Variants in KDM4B observed in about 807,000 individuals in gnomAD.
KDM4B encodes the protein lysine-specific demethylase 4B.
A neutral mutation model predicts 125.2 loss-of-function variants in KDM4B; 32 were observed. That is an observed-to-expected ratio of 0.26 (90% CI 0.19 to 0.34). The LOEUF is 0.34. KDM4B is among the 10% of genes least tolerant of loss of function. The pLI, the probability that KDM4B is intolerant of heterozygous loss-of-function variation, is 1.00. For missense variants in KDM4B, 1,190 were observed against 1,577.7 expected (o/e 0.75, Z 4.16); for synonymous variants, 721 against 677.9 (o/e 1.06, Z -0.99).
chr19:5,077,326 G>C, intron 7 of KDM4B, 41 bp from the exon 8 acceptor site: 1 of 1,571,270 alleles, frequency 6.4e-7, no homozygotes. Context: ...ACCCCGGCCG[G>C]CTGTGGCCCA....
rs201066834 is a variant in KDM4B at position 5,151,547 on chromosome 19, G to A, written c.*36G>A. On this transcript the variant is annotated 3_prime_UTR_variant, in exon 23 of 23. Transcript: ENST00000159111. ...CGCTCAGGCGACCCTCAGCCCGGCG[G>A]GGAGGCCATGGCATGCCCCGGGCGT... 1 of 1,312,136 alleles carries A rather than the reference G, an allele frequency of 7.6e-7. No homozygotes were observed. The highest frequency in any genetic ancestry group is 9.7e-7 in the Non-Finnish European group (1 of 1,025,934). The allele number at this position is 1,312,136 out of a possible 1,614,324, so 81.3% of individuals were successfully genotyped here. A position where few individuals can be genotyped will look rare whatever the true frequency, so the allele number is the denominator to read the frequency against.
At chr19:5,137,884 C>T in intron 17 of KDM4B, 78 bp from the exon 18 acceptor site, 1 of 1,295,574 alleles carries the variant, frequency 7.7e-7, no homozygotes, top group Non-Finnish European at 1.1e-6. Flanking sequence ...CAGCCGACAG[C>T]CACATCACGC....
chr19:5,098,575 G>C (rs2038872135), intron 9 of KDM4B, among the ~76,000 whole-genome samples: 1 of 152,116 alleles, frequency 6.6e-6, no homozygotes, highest in Non-Finnish European at 1.5e-5. Flanking sequence ...TAGTTCCCTA[G>C]AAAGGTGCCA....
intron 1 of KDM4B, among the ~76,000 whole-genome samples, chr19:4,982,160 G>A (rs1437603858): frequency 6.6e-6 from 1 of 152,124 alleles, no homozygotes; most frequent in Non-Finnish European, 1.5e-5. Context: ...TGGTGTGTTG[G>A]TGCAGGCCTG....
intron 6 of KDM4B, among the ~76,000 whole-genome samples, chr19:5,070,396 G>A (rs887253759): frequency 6.6e-6 from 1 of 152,234 alleles, no homozygotes; most frequent in Non-Finnish European, 1.5e-5. Context: ...TCGTGTGTTT[G>A]CACACTTTCA....
rs1434627869 is a variant in KDM4B, at chr19:5,114,404, G to A, written c.1115+3586G>A. The A allele has an allele frequency of 1.5e-5, 7 of 471,814 alleles. No individual in the cohort carries two copies. The highest frequency in any genetic ancestry group is 3.2e-5 in the South Asian group (2 of 62,100). 29.2% of individuals were successfully genotyped at this position (471,814 alleles called of 1,614,324 possible). ...CTGCGCCAGTGCAGGACACCGCCAC[G>A]CCTCTGGCCCCGACTCCTGCCAGGG... On this transcript the variant is annotated intron_variant, in intron 10 of 22. Coordinates refer to ENST00000159111, the MANE Select transcript of KDM4B (RefSeq NM_015015.3). The surrounding 1 kb of genome is among the most constrained non-coding windows in gnomAD (Gnocchi z 5.8).
intron 7 of KDM4B, chr19:5,075,803 C>T (rs1455678669): frequency 1.3e-5 from 2 of 152,768 alleles, no homozygotes; most frequent in Admixed American, 1.3e-4. Context: ...CAGGCCCACT[C>T]TGCCACTTCC....
chr19:5,022,735 T>C (rs1799703273), intron 2 of KDM4B, among the ~76,000 whole-genome samples: 2 of 152,056 alleles, frequency 1.3e-5, no homozygotes, highest in South Asian at 2.1e-4. Flanking sequence ...CTCCCTTGTC[T>C]GATTTTCTGG....
intron 6 of KDM4B, chr19:5,070,739 C>T (rs1393295850): frequency 7.7e-6 from 3 of 391,340 alleles, no homozygotes; most frequent in Admixed American, 4.3e-5. Flanking sequence ...TAACCGGGAG[C>T]ATCCCCACTC....
chr19:4,979,552 C>G (rs545271718), intron 1 of KDM4B, among the ~76,000 whole-genome samples: 3 of 152,104 alleles, frequency 2.0e-5, no homozygotes, highest in Admixed American at 6.5e-5. Flanking sequence ...AGGTGTTACC[C>G]GAACCAGTGT....
At chr19:5,118,291 C>T (rs1025930180) in intron 10 of KDM4B, among the ~76,000 whole-genome samples, 4 of 152,226 alleles carry the variant, frequency 2.6e-5, no homozygotes, top group African/African-American at 9.7e-5. Flanking sequence ...ACCCGGAAGC[C>T]GCAGCCGGCA....
chr19:5,147,444 G>C (rs2039871061), intron 21 of KDM4B, among the ~76,000 whole-genome samples: 1 of 152,184 alleles, frequency 6.6e-6, no homozygotes, highest in Non-Finnish European at 1.5e-5. Context: ...TAATGAGACA[G>C]TCAGAAATGA....
rs1317474241 is a variant in KDM4B at position 5,016,300 on chromosome 19, T to C, written c.-65T>C. Reference sequence around the variant, plus strand: ...GAGGCACCTGACAAATCCTAGCGAATTTTTGGAGCATCTCCACCCAGGAAC... The same window carrying C: ...GAGGCACCTGACAAATCCTAGCGAACTTTTGGAGCATCTCCACCCAGGAAC... On this transcript the variant is annotated 5_prime_UTR_variant, in exon 2 of 23. Transcript: ENST00000159111. The C allele has an allele frequency of 6.6e-6, 1 of 152,208 alleles. No individual in the cohort carries two copies. The highest frequency in any genetic ancestry group is 2.4e-5 in the African/African-American group (1 of 41,454). 9.4% of individuals were successfully genotyped at this position (152,208 alleles called of 1,614,324 possible).
At chr19:5,037,311 G>A (rs2036659771) in intron 3 of KDM4B, among the ~76,000 whole-genome samples, 1 of 152,192 alleles carries the variant, frequency 6.6e-6, no homozygotes, top group Non-Finnish European at 1.5e-5. Context: ...GTGGGTCTCT[G>A]ACCATACCAC....
At chr19:5,091,419 G>T (rs2038701180) in intron 9 of KDM4B, among the ~76,000 whole-genome samples, 2 of 152,142 alleles carry the variant, frequency 1.3e-5, no homozygotes, top group Admixed American at 1.3e-4. Context: ...GAGGTGTCTG[G>T]CAGGGAGAGC....
chr19:5,146,939 C>CAAAAAAAAAAAA (rs1182135277), intron 21 of KDM4B, among the ~76,000 whole-genome samples: 6 of 60,544 alleles, frequency 9.9e-5, no homozygotes, highest in African/African-American at 1.4e-4. Context: ...ACCCTGTCTC[C>CAAAAAAAAAAAA]AAAAAAAAAA....
chr19:5,035,894 CGCCT>C lies in KDM4B; in HGVS notation c.141+2866_141+2869del, dbSNP rs760802349. Among the ~76,000 whole-genome samples, 10,166 of 138,364 alleles carry C rather than the reference CGCCT, an allele frequency of 0.073. 404 individuals carry two copies. Among genetic ancestry groups the C allele is most frequent in the Non-Finnish European group, 0.084 (5,327 of 63,108 alleles). 90.8% of individuals were successfully genotyped at this position (138,364 alleles called of 152,430 possible). A position where few individuals can be genotyped will look rare whatever the true frequency, so the allele number is the denominator to read the frequency against. On this transcript the variant is annotated intron_variant, in intron 3 of 22. Coordinates refer to ENST00000159111, the MANE Select transcript of KDM4B (RefSeq NM_015015.3). The surrounding 1 kb of genome is among the most constrained non-coding windows in gnomAD (Gnocchi z 5.3). ...GTGTGTGTGTGTGCGCGCGCGCGCG[CGCCT>C]GCGCGCACAGGAGACTGAGGTGGGG...
chr19:5,108,531 C>G (rs994122412), intron 9 of KDM4B, among the ~76,000 whole-genome samples: 1 of 152,152 alleles, frequency 6.6e-6, no homozygotes, highest in East Asian at 1.9e-4. Context: ...AGGTTTCCGT[C>G]GTCCCCAACC....
intron 1 of KDM4B, among the ~76,000 whole-genome samples, chr19:4,972,442 C>T (rs1241528236): frequency 6.6e-6 from 1 of 152,158 alleles, no homozygotes. Context: ...ACAGCAAGGC[C>T]CTCTGCCCTG....
Sources: gnomAD v4.1 joint callset for allele counts (sites outside exome capture counted in the v4.1 genomes callset) on GRCh38, gnomAD v4.1.1 for gene constraint, Gnocchi (gnomAD v3.1) non-coding constraint, MANE v1.5 for transcripts, NCBI Gene and HGNC (gene_info 2026-07-23, HGNC 2026-07-21) for gene names.